Variants in GRIK2 observed in about 807,000 individuals in gnomAD.
The protein encoded by GRIK2 is glutamate ionotropic receptor kainate type subunit 2, also known as glutamate receptor ionotropic, kainate 2.
Under a neutral mutation model 100.3 loss-of-function variants are expected in GRIK2, and 32 were observed. The ratio of observed to expected loss-of-function variants is 0.32; its 90% CI spans 0.24 to 0.43. The LOEUF (loss-of-function observed/expected upper bound fraction) is 0.43. Ranked by LOEUF, GRIK2 falls within the 20% of genes least tolerant of loss-of-function variation. The pLI, the probability that GRIK2 is intolerant of heterozygous loss-of-function variation, is 1.00. For synonymous variants in GRIK2, 417 were observed against 389.4 expected (o/e 1.07, Z -0.83); for missense variants, 843 against 1,114.9 (o/e 0.76, Z 3.47).
intron 14 of GRIK2, among the ~76,000 whole-genome samples, chr6:101,938,116 T>A (rs1790723842): frequency 6.6e-6 from 1 of 151,350 alleles, no homozygotes; most frequent in Non-Finnish European, 1.5e-5. Context: ...AGATACCACA[T>A]ACTAGTTAAG....
chr6:101,717,783 A>C (rs1007177725), intron 7 of GRIK2, among the ~76,000 whole-genome samples: 1 of 151,824 alleles, frequency 6.6e-6, no homozygotes, highest in Non-Finnish European at 1.5e-5. Flanking sequence ...TGAGATTCAC[A>C]ATAATATATT....
intron 12 of GRIK2, among the ~76,000 whole-genome samples, chr6:101,915,467 C>T (rs1004039017): frequency 2.0e-5 from 3 of 151,390 alleles, no homozygotes; most frequent in South Asian, 4.1e-4. Context: ...CACACAGTTT[C>T]ACAGGATAAT....
intron 14 of GRIK2, among the ~76,000 whole-genome samples, chr6:101,984,260 C>T (rs954114124): frequency 1.3e-5 from 2 of 151,558 alleles, no homozygotes; most frequent in Non-Finnish European, 3.0e-5. Context: ...TAAATGATAA[C>T]CTGTGATTCT....
chr6:101,459,425 T>C (rs1771180336), intron 2 of GRIK2, among the ~76,000 whole-genome samples: 1 of 152,364 alleles, frequency 6.6e-6, no homozygotes, highest in South Asian at 2.1e-4. Context: ...TCCATCATAA[T>C]ATACTCTTAC....
chr6:101,788,968 T>C (rs986811259), intron 7 of GRIK2, among the ~76,000 whole-genome samples: 4 of 151,842 alleles, frequency 2.6e-5, no homozygotes, highest in African/African-American at 9.7e-5. Context: ...CCAGTGATGA[T>C]GAGCTTTTTT....
intron 7 of GRIK2, among the ~76,000 whole-genome samples, chr6:101,745,636 A>G (rs1348584804): frequency 1.3e-5 from 2 of 152,122 alleles, no homozygotes; most frequent in African/African-American, 2.4e-5. Flanking sequence ...CCCATTACAA[A>G]ATTAAAACTA....
intron 4 of GRIK2, among the ~76,000 whole-genome samples, chr6:101,631,854 A>G (rs975282187): frequency 2.6e-5 from 4 of 151,982 alleles, no homozygotes; most frequent in African/African-American, 9.7e-5. Flanking sequence ...AATTTTTTTA[A>G]AAATGCAATT....
chr6:102,058,700 A>G (rs1453770630), intron 16 of GRIK2, among the ~76,000 whole-genome samples: 2 of 151,496 alleles, frequency 1.3e-5, no homozygotes, highest in African/African-American at 4.8e-5. Flanking sequence ...ACTTTTACTT[A>G]TCATAATTGT....
chr6:102,010,071 A>G (rs1409986554), intron 14 of GRIK2, among the ~76,000 whole-genome samples: 1 of 152,128 alleles, frequency 6.6e-6, no homozygotes, highest in Non-Finnish European at 1.5e-5. Flanking sequence ...TTGAACAGAA[A>G]GTAGAGAAAG....
intron 7 of GRIK2, among the ~76,000 whole-genome samples, chr6:101,788,543 CA>C (rs1241672904): frequency 1.3e-5 from 2 of 152,146 alleles, no homozygotes; most frequent in Non-Finnish European, 2.9e-5. Flanking sequence ...ATGAACTCAT[CA>C]TTTTTTTATG....
At chr6:101,926,492 T>A (rs1789912531) in intron 13 of GRIK2, among the ~76,000 whole-genome samples, 1 of 152,106 alleles carries the variant, frequency 6.6e-6, no homozygotes, top group Admixed American at 6.6e-5. Flanking sequence ...ACTTATATTT[T>A]AAAAAAATAT....
At chr6:102,023,988 G>C (rs539407616) in intron 14 of GRIK2, among the ~76,000 whole-genome samples, 1 of 151,366 alleles carries the variant, frequency 6.6e-6, no homozygotes, top group Admixed American at 6.6e-5. Flanking sequence ...TACCGGTAAA[G>C]AAACTGAATA....
At chr6:101,417,543 T>A (rs1776210709) in intron 2 of GRIK2, among the ~76,000 whole-genome samples, 1 of 152,218 alleles carries the variant, frequency 6.6e-6, no homozygotes, top group Non-Finnish European at 1.5e-5. Flanking sequence ...TTAGGCTGCC[T>A]TTAAGTTCTG....
At chr6:101,515,126 A>G (rs1774519398) in intron 2 of GRIK2, among the ~76,000 whole-genome samples, 1 of 152,056 alleles carries the variant, frequency 6.6e-6, no homozygotes, top group African/African-American at 2.4e-5. Flanking sequence ...TAGCTTCCAC[A>G]TATTAGTGAG....
intron 7 of GRIK2, among the ~76,000 whole-genome samples, chr6:101,741,558 T>C: frequency 6.6e-6 from 1 of 152,210 alleles, no homozygotes; most frequent in East Asian, 1.9e-4. Context: ...AAATGTATTT[T>C]TTTAAAAGGG....
At chr6:101,741,422 CGATA>C (rs1776024465) in intron 7 of GRIK2, among the ~76,000 whole-genome samples, 3 of 152,036 alleles carry the variant, frequency 2.0e-5, no homozygotes, top group Admixed American at 1.3e-4. Flanking sequence ...AGTTAACTGA[CGATA>C]GATAGATTAG....
At chr6:101,570,388 G>T (rs1777473549) in intron 2 of GRIK2, among the ~76,000 whole-genome samples, 1 of 152,012 alleles carries the variant, frequency 6.6e-6, no homozygotes, top group South Asian at 2.1e-4. Context: ...GTGAAAACTA[G>T]AGAAGGACAA....
chr6:101,524,662 T>C (rs1775056854), intron 2 of GRIK2, among the ~76,000 whole-genome samples: 1 of 152,044 alleles, frequency 6.6e-6, no homozygotes, highest in Non-Finnish European at 1.5e-5. Context: ...CCACAATATT[T>C]TACAAATTGA....
rs142044165 is a variant in GRIK2 at position 101,438,997 on chromosome 6, G to A, written c.115+39605G>A. On this transcript the variant is annotated intron_variant, in intron 2 of 16. Coordinates refer to ENST00000369134, the MANE Select transcript of GRIK2 (RefSeq NM_021956.5). The stretch of plus-strand genomic sequence containing the variant: ...TATATTTTAGGTCAACTTGGTGTCC[G>A]TTACTTTCAGTCCCAATTTTATCTC... Among the ~76,000 whole-genome samples the A allele has an allele frequency of 3.3e-5, 5 of 152,176 alleles. No individual in the cohort carries two copies. The East Asian group carries it at 7.7e-4, about 24-fold the overall frequency.
Sources: gnomAD v4.1 joint callset for allele counts (sites outside exome capture counted in the v4.1 genomes callset) on GRCh38, gnomAD v4.1.1 for gene constraint, MANE v1.5 for transcripts, NCBI Gene and HGNC (gene_info 2026-07-23, HGNC 2026-07-21) for gene names.